SLC9A7: variants seen among roughly 807,000 people sequenced by gnomAD.
SLC9A7 encodes solute carrier family 9 member A7.
Under a neutral mutation model 52.6 loss-of-function variants are expected in SLC9A7, and 19 were observed. The observed-to-expected ratio is 0.36, with a 90% CI of 0.25 to 0.53. The LOEUF (loss-of-function observed/expected upper bound fraction) is 0.53, where lower values mean the gene tolerates loss of function less well. Ranked by LOEUF, SLC9A7 falls within the 20% of genes least tolerant of loss-of-function variation. The pLI is 0.91. For missense variants in SLC9A7, 455 were observed against 597.9 expected, an observed-to-expected ratio of 0.76 and a Z score of 2.49; for synonymous variants, 226 against 252.1, an observed-to-expected ratio of 0.90 and a Z score of 0.98.
At chrX:46,697,586 T>C (rs1944466738) in intron 1 of SLC9A7, among the ~76,000 whole-genome samples, 1 of 112,293 alleles carries the variant, frequency 8.9e-6, no homozygotes, top group African/African-American at 3.2e-5. Flanking sequence ...TGTGATTTCC[T>C]ATGCCTGTCT....
Position 46,662,392 on chromosome X carries a change from C to G in SLC9A7, c.899+146G>C, listed in dbSNP as rs928697720. On this transcript the variant is annotated intron_variant, in intron 6 of 16. Coordinates refer to ENST00000616978, the MANE Select transcript of SLC9A7 (RefSeq NM_001257291.2). ...GATTGCTGCTGGGCACACAAAGCAA[C>G]GTAATTTTATCCACAAAGCTGATAA... The G allele has an allele frequency of 9.7e-6, 5 of 514,731 alleles. No homozygotes were observed. The Admixed American group carries it at 1.3e-4, about 13-fold the overall frequency. The allele number at this position is 514,731 out of a possible 1,213,427, so 42.4% of individuals were successfully genotyped here. A position where few individuals can be genotyped will look rare whatever the true frequency, so the allele number is the denominator to read the frequency against.
intron 1 of SLC9A7, among the ~76,000 whole-genome samples, chrX:46,753,465 CATT>C (rs1337387673): frequency 2.7e-5 from 3 of 111,807 alleles, no homozygotes; most frequent in Non-Finnish European, 5.6e-5. Flanking sequence ...TTTTCCACAA[CATT>C]ATGTGTGGAC....
At chrX:46,670,157 G>A (rs1297987815) in intron 4 of SLC9A7, among the ~76,000 whole-genome samples, 1 of 111,636 alleles carries the variant, frequency 9.0e-6, no homozygotes, top group African/African-American at 3.3e-5. Context: ...CAACTAGAGA[G>A]AAAAAAATGG....
intron 16 of SLC9A7, 60 bp downstream of exon 16, chrX:46,613,229 T>C: frequency 1.2e-6 from 1 of 840,323 alleles, no homozygotes; most frequent in Non-Finnish European, 1.7e-6. Context: ...TTCTTCTTCC[T>C]ACGTAAGACA....
chrX:46,603,015 T>C lies in SLC9A7; in HGVS notation c.*3937A>G, dbSNP rs534543895. 1.8e-5 allele frequency: 2 copies of C among 112,499 alleles called. No homozygotes were observed. Among genetic ancestry groups the C allele is most frequent in the African/African-American group, 6.4e-5 (2 of 31,026 alleles). 9.3% of individuals were successfully genotyped at this position (112,499 alleles called of 1,213,427 possible). A position where few individuals can be genotyped will look rare whatever the true frequency, so the allele number is the denominator to read the frequency against. The stretch of plus-strand genomic sequence containing the variant: ...GACTTAGAACACTGGAAAGCAGTTC[T>C]GATTCCAAATGGCTGACAGCTCGGG... On this transcript the variant is annotated 3_prime_UTR_variant, in exon 17 of 17. Transcript: ENST00000616978.
chrX:46,717,238 A>G, intron 1 of SLC9A7, among the ~76,000 whole-genome samples: 1 of 112,506 alleles, frequency 8.9e-6, no homozygotes, highest in Non-Finnish European at 1.9e-5. Flanking sequence ...GAAATGCCAC[A>G]TTGTACCACA....
chrX:46,619,739 T>TTC (rs1318186792), intron 15 of SLC9A7, among the ~76,000 whole-genome samples: 2 of 107,671 alleles, frequency 1.9e-5, no homozygotes, highest in African/African-American at 6.8e-5. Context: ...TTTCTTTCTT[T>TTC]TTTTTTTTTT....
Position 46,619,736 on chromosome X carries a change from C to CTT in SLC9A7, c.1823+1239_1823+1240dup, listed in dbSNP as rs111516945. Among the ~76,000 whole-genome samples the CTT allele has an allele frequency of 1.2e-3, 118 of 98,063 alleles. 1 individual carries two copies. Among genetic ancestry groups the CTT allele is most frequent in the African/African-American group, 2.0e-3 (53 of 26,501 alleles). 85.2% of individuals were successfully genotyped at this position (98,063 alleles called of 115,157 possible). On this transcript the variant is annotated intron_variant, in intron 15 of 16. Transcript: ENST00000616978. ...AGGGGTTTGGCAATTTTCTTTCTTTCTTTTTTTTTTTTTGGAGACAGGGCC... is the reference window on the plus strand; with the variant it reads ...AGGGGTTTGGCAATTTTCTTTCTTTCTTTTTTTTTTTTTTTGGAGACAGGGCC...
rs1185353045 is a variant in SLC9A7, at chrX:46,600,562, C to G, written c.*6390G>C. 3 of 111,891 alleles carry G rather than the reference C, an allele frequency of 2.7e-5. No individual in the cohort carries two copies. Among genetic ancestry groups the G allele is most frequent in the Admixed American group, 9.6e-5 (1 of 10,467 alleles). The allele number at this position is 111,891 out of a possible 1,213,427, so 9.2% of individuals were successfully genotyped here. ...CATATGGGCCACGACTATAGTATAC[C>G]CTGCTTACAAAAATAAGACTAACAT... On this transcript the variant is annotated 3_prime_UTR_variant, in exon 17 of 17. Coordinates refer to ENST00000616978, the MANE Select transcript of SLC9A7 (RefSeq NM_001257291.2).
chrX:46,678,414 T>TTATTTA (rs1333710791), intron 3 of SLC9A7, among the ~76,000 whole-genome samples: 1 of 95,707 alleles, frequency 1.0e-5, no homozygotes, highest in African/African-American at 3.8e-5. Flanking sequence ...GCATTTGTTT[T>TTATTTA]TATTTATTTA....
At chrX:46,607,920 G>A (rs913745345) in intron 16 of SLC9A7, among the ~76,000 whole-genome samples, 7 of 112,396 alleles carry the variant, frequency 6.2e-5, no homozygotes, top group African/African-American at 1.9e-4. Flanking sequence ...CAGCTCCCGC[G>A]CTGCACTGAG....
intron 10 of SLC9A7, among the ~76,000 whole-genome samples, chrX:46,650,057 G>A (rs1172638761): frequency 8.9e-6 from 1 of 112,676 alleles, no homozygotes; most frequent in African/African-American, 3.2e-5. Context: ...TTTAAGCGTA[G>A]GAGGCTCTCA....
intron 1 of SLC9A7, among the ~76,000 whole-genome samples, chrX:46,747,589 T>G (rs1921876578): frequency 8.9e-6 from 1 of 111,916 alleles, no homozygotes; most frequent in Non-Finnish European, 1.9e-5. Flanking sequence ...TATAAACCTA[T>G]GTTAATGAGC....
chrX:46,651,554 G>A (rs1433968264), intron 8 of SLC9A7, 150 bp from the exon 9 acceptor site: 6 of 418,398 alleles, frequency 1.4e-5, no homozygotes, highest in East Asian at 4.2e-5. Flanking sequence ...TGGGTCGGGC[G>A]CAGTGGCTCA....
intron 15 of SLC9A7, among the ~76,000 whole-genome samples, chrX:46,620,061 G>C (rs1248539411): frequency 8.9e-6 from 1 of 111,783 alleles, no homozygotes; most frequent in East Asian, 2.8e-4. Flanking sequence ...ATTTTTAACA[G>C]TTTTGGCGTC....
intron 1 of SLC9A7, among the ~76,000 whole-genome samples, chrX:46,729,537 G>A (rs1046278748): frequency 9.0e-6 from 1 of 111,575 alleles, no homozygotes; most frequent in African/African-American, 3.3e-5. Context: ...ACTTTGGGAG[G>A]CCGAGATGGG....
chrX:46,695,617 T>C (rs1031429613), intron 1 of SLC9A7, among the ~76,000 whole-genome samples: 1 of 111,870 alleles, frequency 8.9e-6, no homozygotes, highest in East Asian at 2.8e-4. Flanking sequence ...CAAGGCTTTG[T>C]AGTCCCACTG....
At chrX:46,685,935 T>C (rs1944288207) in intron 1 of SLC9A7, among the ~76,000 whole-genome samples, 1 of 111,735 alleles carries the variant, frequency 8.9e-6, no homozygotes, top group South Asian at 3.7e-4. Flanking sequence ...TGTAACTCAT[T>C]GTTTCTTGAC....
rs1375057331 is a variant in SLC9A7 at position 46,602,274 on chromosome X, C to T, written c.*4678G>A. The stretch of plus-strand genomic sequence containing the variant: ...TTATGGAGTATGTTCTTGAGTTCTG[C>T]AAAGATTAGCATCAAACTCTCTCAC... On this transcript the variant is annotated 3_prime_UTR_variant, in exon 17 of 17. Transcript: ENST00000616978. The T allele has an allele frequency of 2.7e-5, 3 of 111,895 alleles. No individual in the cohort carries two copies. The highest frequency in any genetic ancestry group is 9.5e-5 in the Admixed American group (1 of 10,517). The allele number at this position is 111,895 out of a possible 1,213,427, so 9.2% of individuals were successfully genotyped here.
Sources: allele counts gnomAD v4.1 joint callset (sites outside exome capture counted in the v4.1 genomes callset), GRCh38; gene constraint gnomAD v4.1.1; transcripts MANE v1.5; gene names NCBI Gene and HGNC (gene_info 2026-07-23, HGNC 2026-07-21).